PRAME: variants seen among roughly 807,000 people sequenced by gnomAD.
The protein encoded by PRAME is melanoma antigen preferentially expressed in tumors.
PRAME carries 21 observed loss-of-function variants against 32.1 expected under a neutral mutation model. The ratio of observed to expected loss-of-function variants is 0.65; its 90% confidence interval spans 0.46 to 0.94. The LOEUF (loss-of-function observed/expected upper bound fraction) is 0.94. PRAME is among the 40% of genes least tolerant of loss of function. The pLI is 0.00. For synonymous variants in PRAME, 274 were observed against 251.5 expected (o/e 1.09, Z -0.85); for missense variants, 651 against 622.3 (o/e 1.05, Z -0.49).
chr22:22,551,877 C>T (rs564077388), intron 3 of PRAME, among the ~76,000 whole-genome samples: 1 of 151,736 alleles, frequency 6.6e-6, no homozygotes, highest in East Asian at 2.0e-4. Context: ...AATTAACATA[C>T]ATATGATCTC....
rs758464958 is a variant in PRAME at position 22,556,884 on chromosome 22, T to A, written c.-52A>T. The A allele has an allele frequency of 3.1e-6, 5 of 1,608,898 alleles. No individual in the cohort carries two copies. The highest frequency in any genetic ancestry group is 4.2e-6 in the Non-Finnish European group (5 of 1,176,478). On this transcript the variant is annotated 5_prime_UTR_variant, in exon 3 of 6. Coordinates refer to ENST00000405655, the MANE Select transcript of PRAME (RefSeq NM_206956.3). The stretch of plus-strand genomic sequence containing the variant: ...GACCTCCAACGCTTGGATTTCTAGG[T>A]CTCAGTCACTTGTTGCCACGCACGT...
intron 3 of PRAME, 62 bp from the exon 4 acceptor site, chr22:22,551,151 T>G: frequency 6.9e-7 from 1 of 1,452,042 alleles, no homozygotes; most frequent in Non-Finnish European, 9.3e-7. Context: ...ACTCTATCTT[T>G]TCCTCACCCT....
Position 22,547,984 on chromosome 22 carries a change from CT to C in PRAME, c.*82del. 5.0e-6 allele frequency: 7 copies of C among 1,387,652 alleles called. No homozygotes were observed. The highest frequency in any genetic ancestry group is 6.9e-6 in the Non-Finnish European group (7 of 1,014,148). The allele number at this position is 1,387,652 out of a possible 1,614,324, so 86.0% of individuals were successfully genotyped here. On this transcript the variant is annotated 3_prime_UTR_variant, in exon 6 of 6. Transcript: ENST00000405655. ...ACTGAACATTTGTCTGAAACTGTGG[CT>C]GCTTTGTTGCTTCAAGATGCATGCA...
intron 3 of PRAME, among the ~76,000 whole-genome samples, chr22:22,555,340 G>A (rs1285943122): frequency 6.6e-6 from 1 of 151,694 alleles, no homozygotes; most frequent in African/African-American, 2.4e-5. Context: ...GGGTTCAAAC[G>A]ATTCTCCTGC....
intron 3 of PRAME, among the ~76,000 whole-genome samples, chr22:22,556,189 G>A (rs2147048883): frequency 6.6e-6 from 1 of 151,256 alleles, no homozygotes; most frequent in Admixed American, 6.6e-5. Context: ...TTTTAGTAAA[G>A]ACAGGATTTC....
At chr22:22,556,688 G>A (rs2062944620) in intron 3 of PRAME, 124 bp downstream of exon 3, 5 of 1,136,732 alleles carry the variant, frequency 4.4e-6, no homozygotes, top group Non-Finnish European at 6.5e-6. Context: ...CAATAAAAGC[G>A]GCTCCTGCCT....
Position 22,550,005 on chromosome 22 carries a change from A to G in PRAME, c.674T>C (p.Met225Thr). 1 of 1,613,884 alleles carries G rather than the reference A, an allele frequency of 6.2e-7. No individual in the cohort carries two copies. The highest frequency in any genetic ancestry group is 1.7e-4 in the Middle Eastern group (1 of 6,054). ...GTCCAGCTGCACCATTTTCAGGATCATCTTGATATCCTGCATGGGCATTGC... is the reference window on the plus strand; with the variant it reads ...GTCCAGCTGCACCATTTTCAGGATCGTCTTGATATCCTGCATGGGCATTGC... ...IFAMPMQDIK[M>T]ILKMVQLDSI... is the part of the protein sequence containing the mutation. The change falls in exon 5 of 6, where the codon ATG becomes ACG. Residue 225 changes from methionine to threonine, a missense_variant. Transcript: ENST00000405655.
chr22:22,550,683 C>T, intron 4 of PRAME, 84 bp downstream of exon 4: 2 of 1,435,408 alleles, frequency 1.4e-6, no homozygotes, highest in Non-Finnish European at 1.9e-6. Context: ...CTGGCCCAGC[C>T]TTAGGCGCTC....
In PRAME at chr22:22,556,807, C is replaced by CT. The variant is rs1460368006; in HGVS notation, c.21+4dup. The CT allele has an allele frequency of 2.5e-6, 4 of 1,612,734 alleles. No homozygotes were observed. The highest frequency in any genetic ancestry group is 3.4e-6 in the Non-Finnish European group (4 of 1,179,838). Reference sequence around the variant, plus strand: ...CACCTCAGACAGCTCAGGGGACCTTCTTACCCACAAACGCCTTCGTTCCAT... The same window carrying CT: ...CACCTCAGACAGCTCAGGGGACCTTCTTTACCCACAAACGCCTTCGTTCCAT... On this transcript the variant is annotated splice_donor_region_variant and intron_variant, in intron 3 of 5. Transcript: ENST00000405655.
At chr22:22,555,894 C>CT (rs2062879055) in intron 3 of PRAME, 1 of 470,834 alleles carries the variant, frequency 2.1e-6, no homozygotes, top group African/African-American at 2.0e-5. Flanking sequence ...CTCATACTCT[C>CT]TGACACCACT....
At position 22,548,367 on chromosome 22, in the gene PRAME, G is replaced by A; in HGVS notation, c.1230C>T (p.Thr410=). 6.2e-7 allele frequency: 1 copy of A among 1,613,572 alleles called. No individual in the cohort carries two copies. Among genetic ancestry groups the A allele is most frequent in the Non-Finnish European group, 8.5e-7 (1 of 1,179,952 alleles). The change falls in exon 6 of 6, where the codon ACC becomes ACT. Residue 410 remains threonine (T), a synonymous_variant. Coordinates refer to ENST00000405655, the MANE Select transcript of PRAME (RefSeq NM_206956.3). ...AGATGGAATTCCCGTAGAAGCTTAAGGTCGTAAGCTGGGAGCAGTGGCTCA... is the reference window on the plus strand; with the variant it reads ...AGATGGAATTCCCGTAGAAGCTTAAAGTCGTAAGCTGGGAGCAGTGGCTCA... ...PSLSHCSQLT[T]LSFYGNSISI...
In PRAME at chr22:22,548,296, C is replaced by T; in HGVS notation, c.1301G>A (p.Ser434Asn). The T allele has an allele frequency of 6.2e-7, 1 of 1,613,758 alleles. No individual in the cohort carries two copies. Among genetic ancestry groups the T allele is most frequent in the South Asian group, 1.1e-5 (1 of 91,064 alleles). ...QSLLQHLIGL[S>N]NLTHVLYPVP... ...AGGATACAGCACGTGGGTCAGATTG[C>T]TCAGCCCGATGAGGTGCTGCAGGAG... The change falls in exon 6 of 6, where the codon AGC becomes AAC. Residue 434 changes from serine to asparagine, a missense_variant. Ser to Asn is a conservative substitution (Grantham distance 46). Transcript: ENST00000405655.
intron 2 of PRAME, chr22:22,557,339 C>G (rs111716914): frequency 0.01 from 1,729 of 166,446 alleles, 33 homozygotes; most frequent in African/African-American, 0.039. Context: ...CGCCTCGGTT[C>G]AAGGCATCCT....
intron 1 of PRAME, among the ~76,000 whole-genome samples, chr22:22,558,700 T>G (rs2063148701): frequency 6.7e-6 from 1 of 149,694 alleles, no homozygotes; most frequent in African/African-American, 2.5e-5. Flanking sequence ...GGGGGCTGAC[T>G]GGGAGTGTGG....
chr22:22,553,814 G>A, intron 3 of PRAME: 3 of 984,836 alleles, frequency 3.0e-6, no homozygotes, highest in Middle Eastern at 1.0e-3. Context: ...TGCAATTAAA[G>A]AAGTTGTCAG....
intron 1 of PRAME, 135 bp downstream of exon 1, chr22:22,558,836 C>A (rs922861207): frequency 1.3e-5 from 2 of 151,992 alleles, no homozygotes; most frequent in African/African-American, 4.9e-5. Flanking sequence ...GTCCCCTGAG[C>A]TCAAGTTCTC....
intron 3 of PRAME, chr22:22,555,701 C>CG (rs1195864452): frequency 8.2e-6 from 3 of 367,452 alleles, no homozygotes; most frequent in East Asian, 1.5e-4. Context: ...CGCACTGTGC[C>CG]GTCCTTGAGC....
chr22:22,558,659 G>A (rs1441128720), intron 1 of PRAME, among the ~76,000 whole-genome samples: 8 of 126,610 alleles, frequency 6.3e-5, no homozygotes, highest in Non-Finnish European at 8.9e-5. Flanking sequence ...AAGGGGGTGC[G>A]GTGGGCGAAT....
At chr22:22,550,493 G>T (rs2062502119) in intron 4 of PRAME, among the ~76,000 whole-genome samples, 159 bp from the exon 5 acceptor site, 1 of 151,928 alleles carries the variant, frequency 6.6e-6, no homozygotes, top group Non-Finnish European at 1.5e-5. Context: ...TTTCCCACTA[G>T]GATCCTGGGA....
Sources: gnomAD v4.1 joint callset for allele counts (sites outside exome capture counted in the v4.1 genomes callset) on GRCh38, gnomAD v4.1.1 for gene constraint, MANE v1.5 for transcripts, NCBI Gene and HGNC (gene_info 2026-07-23, HGNC 2026-07-21) for gene names.